Variants in IL6ST observed in about 807,000 individuals in gnomAD.
IL6ST encodes the protein interleukin 6 cytokine family signal transducer, also known as interleukin-6 receptor subunit beta.
In IL6ST, 24 loss-of-function variants were observed where a neutral mutation model predicts 91.3. The ratio of observed to expected loss-of-function variants is 0.26; its 90% CI spans 0.19 to 0.37. The LOEUF is 0.37. IL6ST is among the 10% of genes least tolerant of loss of function. The probability of loss-of-function intolerance (pLI) is 1.00; values close to 1 mark genes in which losing one functional copy is unlikely to be tolerated. For missense variants in IL6ST, 914 were observed against 1,078.5 expected, an observed-to-expected ratio of 0.85 and a Z score of 2.14; for synonymous variants, 351 against 373.6, an observed-to-expected ratio of 0.94 and a Z score of 0.70.
At position 55,963,359 on chromosome 5, in the gene IL6ST, C is replaced by A. The variant is rs1308481458; in HGVS notation, c.806G>T (p.Trp269Leu). ...CGGTAACTTTCAATTTACCTGGCTC[C>A]AAGTTGAGGCATCTTTGGTCCTATA... ...IQYRTKDAST[W>L]SQIPPEDTAS... The change falls in exon 7 of 17, where the codon TGG (tryptophan) becomes TTG (leucine). Residue 269 changes from tryptophan to leucine, a missense_variant. Trp to Leu is a moderately conservative substitution (Grantham distance 61). Coordinates refer to ENST00000381298, the MANE Select transcript of IL6ST (RefSeq NM_002184.4). The A allele has an allele frequency of 1.3e-6, 2 of 1,574,914 alleles. No homozygotes were observed. The highest frequency in any genetic ancestry group is 1.7e-6 in the Non-Finnish European group (2 of 1,162,206).
intron 3 of IL6ST, among the ~76,000 whole-genome samples, chr5:55,973,500 TAA>T (rs1237525926): frequency 1.3e-5 from 2 of 152,146 alleles, no homozygotes; most frequent in African/African-American, 4.8e-5. Flanking sequence ...GCCAGGGCCA[TAA>T]AAAGAGGCCA....
Position 55,960,420 on chromosome 5 carries a change from C to T in IL6ST, c.955G>A (p.Gly319Arg), listed in dbSNP as rs1439279953. 7 of 1,613,548 alleles carry T rather than the reference C, an allele frequency of 4.3e-6. No individual in the cohort carries two copies. In the South Asian group the frequency reaches 6.6e-5, roughly 15 times the overall value. Reference sequence around the variant, plus strand: ...TACTTACTATCTTCATAGGTGATCCCACTTGCTTCTTCACTCCAGTCACTC... The same window carrying T: ...TACTTACTATCTTCATAGGTGATCCTACTTGCTTCTTCACTCCAGTCACTC... ...YWSDWSEEAS[G>R]ITYEDRPSKA... is the part of the protein sequence containing the mutation. The change falls in exon 8 of 17, where the codon GGG becomes AGG. Residue 319 changes from glycine to arginine, a missense_variant. By Grantham distance (125) the Gly-to-Arg change is moderately radical. Transcript: ENST00000381298.
At position 55,936,256 on chromosome 5, in the gene IL6ST, A is replaced by G. The variant is rs187524019; in HGVS notation, c.*4826T>C. Reference sequence around the variant, plus strand: ...TCAAGTCTCACTGCAACAAGGATGGAGACTCCAGCAGAGTGCAGGGTGGGC... The same window carrying G: ...TCAAGTCTCACTGCAACAAGGATGGGGACTCCAGCAGAGTGCAGGGTGGGC... On this transcript the variant is annotated 3_prime_UTR_variant, in exon 17 of 17. Coordinates refer to ENST00000381298, the MANE Select transcript of IL6ST (RefSeq NM_002184.4). 3.7e-3 allele frequency: 820 copies of G among 222,220 alleles called. 2 individuals are homozygous for G. Among genetic ancestry groups the G allele is most frequent in the Non-Finnish European group, 5.4e-3 (606 of 111,392 alleles). The allele number at this position is 222,220 out of a possible 1,614,324, so 13.8% of individuals were successfully genotyped here. A position where few individuals can be genotyped will look rare whatever the true frequency, so the allele number is the denominator to read the frequency against.
chr5:55,942,575 TTGTAGATACTCAATATACCTACTAAC>T (rs568852020), intron 16 of IL6ST, 69 bp downstream of exon 16: 181 of 600,988 alleles, frequency 3.0e-4, no homozygotes, highest in African/African-American at 2.4e-3. Flanking sequence ...TTTGGTACAT[TTGTAGATACTCAATATACCTACTAAC>T]TGTAGATACT....
intron 15 of IL6ST, among the ~76,000 whole-genome samples, chr5:55,946,727 G>C (rs1469758199): frequency 2.0e-5 from 3 of 151,266 alleles, no homozygotes; most frequent in Non-Finnish European, 4.4e-5. Flanking sequence ...TGAGGCAGGA[G>C]AATCACCTGA....
At chr5:55,960,976 G>A (rs1752277564) in intron 7 of IL6ST, among the ~76,000 whole-genome samples, 1 of 151,788 alleles carries the variant, frequency 6.6e-6, no homozygotes, top group South Asian at 2.1e-4. Flanking sequence ...TGTCGCCCAG[G>A]CTGGAGCTCA....
At chr5:55,989,717 T>C (rs1754204067) in intron 1 of IL6ST, among the ~76,000 whole-genome samples, 1 of 152,158 alleles carries the variant, frequency 6.6e-6, no homozygotes, top group Admixed American at 6.6e-5. Flanking sequence ...AGATGCAGAA[T>C]ATGCACAAAG....
chr5:55,983,079 A>C (rs1319575794), intron 1 of IL6ST, among the ~76,000 whole-genome samples: 1 of 150,396 alleles, frequency 6.6e-6, no homozygotes, highest in Non-Finnish European at 1.5e-5. Context: ...AGCTCACTGC[A>C]GCTTGAACTT....
At chr5:55,983,739 A>G (rs112973275) in intron 1 of IL6ST, among the ~76,000 whole-genome samples, 25 of 152,346 alleles carry the variant, frequency 1.6e-4, no homozygotes, top group African/African-American at 4.6e-4. Flanking sequence ...AGAGATAACT[A>G]CCATGAACAT....
intron 1 of IL6ST, among the ~76,000 whole-genome samples, chr5:55,992,814 C>T (rs928022592): frequency 1.3e-5 from 2 of 152,112 alleles, no homozygotes; most frequent in African/African-American, 4.8e-5. Flanking sequence ...ACGATCATTC[C>T]CTAATTTTAA....
chr5:55,972,607 G>A (rs1753026793), intron 3 of IL6ST, among the ~76,000 whole-genome samples: 1 of 152,136 alleles, frequency 6.6e-6, no homozygotes, highest in Non-Finnish European at 1.5e-5. Flanking sequence ...AGGGCTACCA[G>A]GCTGAGATTA....
At chr5:55,959,490 G>C in intron 8 of IL6ST, 1 of 327,056 alleles carries the variant, frequency 3.1e-6, no homozygotes, top group South Asian at 3.0e-5. Context: ...TATGCCACGG[G>C]ATTATTTCTT....
At chr5:55,982,847 C>T in intron 1 of IL6ST, 36 bp from the exon 2 acceptor site, 1 of 397,868 alleles carries the variant, frequency 2.5e-6, no homozygotes, top group African/African-American at 2.1e-5. Context: ...AGAAGGCTGG[C>T]TTTGATAATT....
At chr5:55,972,252 C>T (rs544323289) in intron 3 of IL6ST, among the ~76,000 whole-genome samples, 3 of 152,142 alleles carry the variant, frequency 2.0e-5, no homozygotes, top group African/African-American at 4.8e-5. Flanking sequence ...GTGGCTCACA[C>T]CTGTAATCCC....
intron 15 of IL6ST, among the ~76,000 whole-genome samples, chr5:55,944,982 G>A (rs1345093094): frequency 2.0e-5 from 3 of 147,856 alleles, no homozygotes; most frequent in South Asian, 2.2e-4. Context: ...ATTTGTGGCC[G>A]AGTGTAACAA....
At chr5:55,994,761 C>T (rs998999853) in intron 1 of IL6ST, 23 bp downstream of exon 1, 2 of 152,900 alleles carry the variant, frequency 1.3e-5, no homozygotes. Context: ...AGCTACGCGA[C>T]CCAGCACCCG....
At chr5:55,951,749 G>C (rs955401589) in intron 13 of IL6ST, 145 bp from the exon 14 acceptor site, 12 of 848,540 alleles carry the variant, frequency 1.4e-5, no homozygotes, top group Non-Finnish European at 2.2e-5. Context: ...ATAATTTTAT[G>C]TTCTAAAGCA....
chr5:55,980,556 T>C (rs1753597432), intron 2 of IL6ST, among the ~76,000 whole-genome samples: 2 of 151,940 alleles, frequency 1.3e-5, no homozygotes, highest in South Asian at 4.2e-4. Context: ...TCTCAAAAAA[T>C]AAATAAAATA....
At position 55,957,350 on chromosome 5, in the gene IL6ST, T is replaced by C. The variant is rs574067793; in HGVS notation, c.974-59A>G. 3.3e-4 allele frequency: 290 copies of C among 867,318 alleles called. 1 individual carries two copies. In the East Asian group the frequency reaches 5.3e-3, roughly 16 times the overall value. 53.7% of individuals were successfully genotyped at this position (867,318 alleles called of 1,614,324 possible). A position where few individuals can be genotyped will look rare whatever the true frequency, so the allele number is the denominator to read the frequency against. On this transcript the variant is annotated intron_variant, in intron 8 of 16. Transcript: ENST00000381298. ...AGGTTTTAACAGTAAAATAAAATTC[T>C]GCAAATTATTCTTTTACTTTGTTCT...
Sources: allele counts gnomAD v4.1 joint callset (sites outside exome capture counted in the v4.1 genomes callset), GRCh38; gene constraint gnomAD v4.1.1; transcripts MANE v1.5; gene names NCBI Gene and HGNC (gene_info 2026-07-23, HGNC 2026-07-21).